Variants in ZNF558 observed in about 807,000 individuals in gnomAD.
ZNF558 encodes zinc finger protein 558.
Under a neutral mutation model 37.6 loss-of-function variants are expected in ZNF558, and 23 were observed. The ratio of observed to expected loss-of-function variants is 0.61; its 90% CI spans 0.44 to 0.87. The LOEUF (loss-of-function observed/expected upper bound fraction) is 0.87, where lower values mean the gene tolerates loss of function less well. ZNF558 is among the 40% of genes least tolerant of loss of function. The pLI is 0.00. For missense variants in ZNF558, 429 were observed against 483.7 expected, an observed-to-expected ratio of 0.89 and a Z score of 1.06; for synonymous variants, 189 against 174.4, an observed-to-expected ratio of 1.08 and a Z score of -0.66.
In ZNF558 at chr19:8,813,158, C is replaced by T. The variant is rs1366840166; in HGVS notation, c.312G>A (p.Glu104=). 1.3e-6 allele frequency: 2 copies of T among 1,597,872 alleles called. No individual in the cohort carries two copies. The highest frequency in any genetic ancestry group is 1.7e-5 in the Admixed American group (1 of 57,622). The change falls in exon 8 of 10, where the codon GAG becomes GAA. Residue 104 remains glutamate (E), a synonymous_variant. Transcript: ENST00000601372. ...QLEQDKKVVT[E]ERGILPSTCP... is the part of the protein sequence containing the mutation. Reference sequence around the variant, plus strand: ...AGGTGCTTGGTAGAATTCCTCTTTCCTCTGTCACCACCTTCTTGTCTTGTT... The same window carrying T: ...AGGTGCTTGGTAGAATTCCTCTTTCTTCTGTCACCACCTTCTTGTCTTGTT...
At chr19:8,829,060 A>G (rs2044293849) in intron 2 of ZNF558, among the ~76,000 whole-genome samples, 2 of 151,838 alleles carry the variant, frequency 1.3e-5, no homozygotes, top group Admixed American at 1.3e-4. Flanking sequence ...TCAGGAGATT[A>G]AGACCAGCCG....
intron 7 of ZNF558, among the ~76,000 whole-genome samples, chr19:8,817,156 A>C (rs181112247): frequency 6.6e-6 from 1 of 152,296 alleles, no homozygotes; most frequent in South Asian, 2.1e-4. Context: ...GCAAATAGTA[A>C]ATAGGCAGAA....
chr19:8,832,403 G>T (rs1312031213), upstream of ZNF558: 1 of 152,984 alleles, frequency 6.5e-6, no homozygotes, highest in African/African-American at 2.4e-5. Flanking sequence ...TGGGGGTTCG[G>T]CGCTTAGGCG....
intron 7 of ZNF558, among the ~76,000 whole-genome samples, chr19:8,813,902 A>G (rs1344033771): frequency 1.3e-5 from 2 of 152,340 alleles, no homozygotes; most frequent in East Asian, 1.9e-4. Context: ...GGGTGGGACC[A>G]TATGGTCCCA....
chr19:8,831,581 A>G (rs539694537), intron 1 of ZNF558, among the ~76,000 whole-genome samples, 180 bp from the exon 2 acceptor site: 1 of 152,332 alleles, frequency 6.6e-6, no homozygotes, highest in Admixed American at 6.5e-5. Flanking sequence ...CCATCTGGCC[A>G]TCTGCTCCGT....
rs781840771 is a variant in ZNF558 at position 8,811,258 on chromosome 19, C to G, written c.*23G>C. ...GGGATGAAAGATCAATGAGTGCTTT[C>G]CTCCAGAAGTTCCTGCAGTAATTCA... On this transcript the variant is annotated 3_prime_UTR_variant, in exon 10 of 10. Transcript: ENST00000601372. 42 of 1,533,634 alleles carry G rather than the reference C, an allele frequency of 2.7e-5. No individual in the cohort carries two copies. The highest frequency in any genetic ancestry group is 3.4e-5 in the Non-Finnish European group (39 of 1,143,032).
At chr19:8,815,904 CAG>C (rs909658316) in intron 7 of ZNF558, among the ~76,000 whole-genome samples, 25 of 151,830 alleles carry the variant, frequency 1.6e-4, no homozygotes, top group African/African-American at 5.6e-4. Flanking sequence ...TGTGGAGAAC[CAG>C]AGAGATGTAA....
At chr19:8,818,623 G>C (rs962116248) in intron 7 of ZNF558, among the ~76,000 whole-genome samples, 2 of 152,066 alleles carry the variant, frequency 1.3e-5, no homozygotes, top group African/African-American at 4.8e-5. Flanking sequence ...ATCTTGAACA[G>C]ACAAGAAGTG....
chr19:8,836,723 C>T (rs147416200), upstream of ZNF558, among the ~76,000 whole-genome samples: 175 of 152,272 alleles, frequency 1.1e-3, no homozygotes, highest in Non-Finnish European at 2.3e-3. Flanking sequence ...AACTCCTGAG[C>T]GCAAGCAATC....
In ZNF558 at chr19:8,807,124, AGAGT is replaced by A. The variant is rs2043710014; in HGVS notation, c.*4153_*4156del. 1 of 152,256 alleles carries A rather than the reference AGAGT, an allele frequency of 6.6e-6. No homozygotes were observed. Among genetic ancestry groups the A allele is most frequent in the Admixed American group, 6.5e-5 (1 of 15,286 alleles). 9.4% of individuals were successfully genotyped at this position (152,256 alleles called of 1,614,324 possible). On this transcript the variant is annotated 3_prime_UTR_variant, in exon 10 of 10. Transcript: ENST00000601372. ...ATTTTCCTGTCTCAATGGATGAAGGAGAGTGAGGTCTGACCCTGGCTATTTCCTG... is the reference window on the plus strand; with the variant it reads ...ATTTTCCTGTCTCAATGGATGAAGGAGAGGTCTGACCCTGGCTATTTCCTG...
At position 8,821,219 on chromosome 19, in the gene ZNF558, C is replaced by A. The variant is rs771142883; in HGVS notation, c.208G>T (p.Asp70Tyr). 1.9e-5 allele frequency: 30 copies of A among 1,614,190 alleles called. No individual in the cohort carries two copies. Among genetic ancestry groups the A allele is most frequent in the Non-Finnish European group, 2.4e-5 (28 of 1,180,040 alleles). ...TTCCTGCAGTTCTCCAGCATCACAT[C>A]CCTGTACAGTGTCCTTTGGGCAGGG... ...LDPAQRTLYRDVMLENCRNLA... is the reference protein window; with the variant it reads ...LDPAQRTLYRYVMLENCRNLA... Residue 70 changes from aspartate to tyrosine, a missense_variant, in exon 7 of 10, where the codon GAT becomes TAT. By Grantham distance (160) the Asp-to-Tyr change is radical. Coordinates refer to ENST00000601372, the MANE Select transcript of ZNF558 (RefSeq NM_144693.3).
chr19:8,820,561 CA>C (rs2044058597), intron 7 of ZNF558, among the ~76,000 whole-genome samples: 1 of 152,194 alleles, frequency 6.6e-6, no homozygotes, highest in Non-Finnish European at 1.5e-5. Flanking sequence ...CAGCTCACTG[CA>C]ACCTCTGCCT....
chr19:8,836,724 G>A (rs1452346841), upstream of ZNF558, among the ~76,000 whole-genome samples: 4 of 152,106 alleles, frequency 2.6e-5, no homozygotes, highest in Admixed American at 1.3e-4. Flanking sequence ...ACTCCTGAGC[G>A]CAAGCAATCC....
At chr19:8,831,133 TTTAC>T (rs1459692360) in intron 2 of ZNF558, 181 bp downstream of exon 2, 2 of 152,230 alleles carry the variant, frequency 1.3e-5, no homozygotes, top group African/African-American at 2.4e-5. Flanking sequence ...TGTAACTGTA[TTTAC>T]TTATTTACAC....
rs782239007 is a variant in ZNF558 at position 8,813,115 on chromosome 19, C to G, written c.343+12G>C. The G allele has an allele frequency of 6.4e-7, 1 of 1,572,410 alleles. No individual in the cohort carries two copies. Among genetic ancestry groups the G allele is most frequent in the Non-Finnish European group, 8.6e-7 (1 of 1,156,432 alleles). The stretch of plus-strand genomic sequence containing the variant: ...TATTCCTCACAAGGGCTCATATCCA[C>G]CTGGTGCTCACCTGGACAGGTGCTT... On this transcript the variant is annotated intron_variant, in intron 8 of 9. Transcript: ENST00000601372.
At chr19:8,818,094 G>A (rs994878961) in intron 7 of ZNF558, among the ~76,000 whole-genome samples, 2 of 152,146 alleles carry the variant, frequency 1.3e-5, no homozygotes, top group East Asian at 1.9e-4. Flanking sequence ...AAAAAAGTCT[G>A]ACTAAATTAA....
At chr19:8,817,042 G>A (rs1398807401) in intron 7 of ZNF558, among the ~76,000 whole-genome samples, 1 of 151,942 alleles carries the variant, frequency 6.6e-6, no homozygotes. Flanking sequence ...GAAATGAGAA[G>A]GGAATCAAAA....
In ZNF558 at chr19:8,822,847, G is replaced by T; in HGVS notation, c.-65-123C>A. ...AATGCAAGTTCCGGCTTCCACACTG[G>T]GCCTTTATTTTGCTGAGCAGGCAAT... On this transcript the variant is annotated intron_variant, in intron 4 of 9. Coordinates refer to ENST00000601372, the MANE Select transcript of ZNF558 (RefSeq NM_144693.3). This position sits in a 1 kb window ranked among gnomAD's most constrained non-coding sequence, Gnocchi z 4.4. 1 of 860,084 alleles carries T rather than the reference G, an allele frequency of 1.2e-6. No individual in the cohort carries two copies. Among genetic ancestry groups the T allele is most frequent in the Non-Finnish European group, 1.8e-6 (1 of 560,274 alleles). 53.3% of individuals were successfully genotyped at this position (860,084 alleles called of 1,614,324 possible). A position where few individuals can be genotyped will look rare whatever the true frequency, so the allele number is the denominator to read the frequency against.
chr19:8,812,716 G>T, intron 8 of ZNF558, 73 bp from the exon 9 acceptor site: 2 of 878,358 alleles, frequency 2.3e-6, no homozygotes, highest in South Asian at 1.9e-5. Flanking sequence ...AGTAAAGGCA[G>T]ATTCTGAGGG....
Sources: gnomAD v4.1 joint callset for allele counts (sites outside exome capture counted in the v4.1 genomes callset) on GRCh38, gnomAD v4.1.1 for gene constraint, Gnocchi (gnomAD v3.1) non-coding constraint, MANE v1.5 for transcripts, NCBI Gene and HGNC (gene_info 2026-07-23, HGNC 2026-07-21) for gene names.